The following JDP2 variants were observed in gnomAD, a reference collection of about 807,000 sequenced individuals.
JDP2 encodes the protein Jun dimerization protein 2, also known as progesterone receptor co-activator.
In JDP2, 9 loss-of-function variants were observed where a neutral mutation model predicts 17.1. That is an observed-to-expected ratio of 0.53 (90% confidence interval 0.32 to 0.92). The LOEUF is 0.92. JDP2 is among the 40% of genes least tolerant of loss of function. JDP2 has a pLI of 0.04. For missense variants in JDP2, 179 were observed against 220.0 expected, an observed-to-expected ratio of 0.81 and a Z score of 1.18; for synonymous variants, 107 against 95.6, an observed-to-expected ratio of 1.12 and a Z score of -0.69.
Position 75,469,999 on chromosome 14 carries a change from G to A in JDP2, c.*524G>A, listed in dbSNP as rs1403107904. ...GGGCCCTGATGCCCCCACCCACCTC[G>A]GTCCAGCGCGGCCCTGCCCAGGAGG... On this transcript the variant is annotated 3_prime_UTR_variant, in exon 4 of 4. Coordinates refer to ENST00000651602, the MANE Select transcript of JDP2 (RefSeq NM_001135048.2). 1 of 153,100 alleles carries A rather than the reference G, an allele frequency of 6.5e-6. No individual in the cohort carries two copies. The highest frequency in any genetic ancestry group is 1.5e-5 in the Non-Finnish European group (1 of 68,444). 9.5% of individuals were successfully genotyped at this position (153,100 alleles called of 1,614,324 possible).
chr14:75,460,625 C>T (rs1886311525), intron 2 of JDP2, among the ~76,000 whole-genome samples: 1 of 152,208 alleles, frequency 6.6e-6, no homozygotes, highest in African/African-American at 2.4e-5. Context: ...CGTCACCGCC[C>T]GTTGGGTGCC....
chr14:75,453,834 A>G (rs1183152101), intron 2 of JDP2, among the ~76,000 whole-genome samples: 1 of 152,100 alleles, frequency 6.6e-6, no homozygotes, highest in Admixed American at 6.5e-5. Flanking sequence ...AACAATTCTT[A>G]GTATGAGACA....
In JDP2 at chr14:75,461,470, CAA is replaced by C; in HGVS notation, c.248_249del (p.Lys83SerfsTer36). 6.2e-7 allele frequency: 1 copy of C among 1,610,538 alleles called. No homozygotes were observed. The highest frequency in any genetic ancestry group is 8.5e-7 in the Non-Finnish European group (1 of 1,179,040). ...ERRKRRREKNKVAAARCRNKK... is the reference protein window; with the variant it reads ...ERRKRRREKNXVAAARCRNKK... ...GAAGGAAAAGGCGCCGGGAGAAGAA[CAA>C]AGTCGCAGCAGCCCGATGCCGGAAC... On this transcript the variant is annotated frameshift_variant, in exon 3 of 4. Transcript: ENST00000651602. LOFTEE classifies it high-confidence loss of function.
chr14:75,446,325 G>A (rs1489814829), intron 2 of JDP2, among the ~76,000 whole-genome samples: 1 of 148,792 alleles, frequency 6.7e-6, no homozygotes, highest in East Asian at 2.0e-4. Flanking sequence ...CAACAGAAAG[G>A]AAAACATGTC....
upstream of JDP2, chr14:75,427,538 G>A (rs377369826): frequency 7.2e-5 from 11 of 152,696 alleles, no homozygotes; most frequent in African/African-American, 2.7e-4. The surrounding 1 kb of genome is among the most constrained non-coding windows in gnomAD (Gnocchi z 4.4). Context: ...CAGTTTGTGG[G>A]GGAAGCGCCG....
chr14:75,433,244 G>A (rs753075320), intron 1 of JDP2, among the ~76,000 whole-genome samples: 3 of 134,048 alleles, frequency 2.2e-5, no homozygotes, highest in Non-Finnish European at 4.8e-5. Context: ...TTAGGTTGGT[G>A]CAAAAGTAAT....
intron 2 of JDP2, chr14:75,445,061 A>G: frequency 2.0e-6 from 2 of 982,676 alleles, no homozygotes; most frequent in South Asian, 4.7e-5. Flanking sequence ...TCTTCTGTCA[A>G]TCCTACCATC....
Position 75,473,937 on chromosome 14 carries a change from TCAA to T in JDP2, c.*4464_*4466del, listed in dbSNP as rs1886863388. 2.0e-5 allele frequency: 3 copies of T among 152,232 alleles called. No individual in the cohort carries two copies. The highest frequency in any genetic ancestry group is 7.2e-5 in the African/African-American group (3 of 41,452). 9.4% of individuals were successfully genotyped at this position (152,232 alleles called of 1,614,324 possible). ...GCAAGGGTAAGTAGGACGCTGGACT[TCAA>T]CTTCAACTATACACATAACATTTCA... On this transcript the variant is annotated 3_prime_UTR_variant, in exon 4 of 4. Coordinates refer to ENST00000651602, the MANE Select transcript of JDP2 (RefSeq NM_001135048.2).
chr14:75,440,681 G>A (rs1885301683), intron 2 of JDP2, among the ~76,000 whole-genome samples: 1 of 152,184 alleles, frequency 6.6e-6, no homozygotes. Context: ...TCACACTGCT[G>A]GGAAGTGATA....
intron 3 of JDP2, among the ~76,000 whole-genome samples, chr14:75,463,891 A>G (rs1165636573): frequency 6.6e-6 from 1 of 152,142 alleles, no homozygotes; most frequent in African/African-American, 2.4e-5. Context: ...CTCTAGGATG[A>G]TGAATTATAT....
In JDP2 at chr14:75,471,390, G is replaced by A. The variant is rs771963416; in HGVS notation, c.*1915G>A. ...CATGTCACGCATGAGGAAGGCGGGA[G>A]AGGTGTTTTTAGCTTCCTTGTATAC... On this transcript the variant is annotated 3_prime_UTR_variant, in exon 4 of 4. Coordinates refer to ENST00000651602, the MANE Select transcript of JDP2 (RefSeq NM_001135048.2). 1.2e-4 allele frequency: 19 copies of A among 152,298 alleles called. No individual in the cohort carries two copies. The highest frequency in any genetic ancestry group is 2.6e-4 in the Non-Finnish European group (18 of 68,070). 9.4% of individuals were successfully genotyped at this position (152,298 alleles called of 1,614,324 possible). A position where few individuals can be genotyped will look rare whatever the true frequency, so the allele number is the denominator to read the frequency against.
Position 75,469,615 on chromosome 14 carries a change from C to G in JDP2, c.*140C>G. ...GAGGTTCAGCACAGCCAGCATCAGCCGAGCTTTTTTGTGAAACTCAGATCA... is the reference window on the plus strand; with the variant it reads ...GAGGTTCAGCACAGCCAGCATCAGCGGAGCTTTTTTGTGAAACTCAGATCA... On this transcript the variant is annotated 3_prime_UTR_variant, in exon 4 of 4. Coordinates refer to ENST00000651602, the MANE Select transcript of JDP2 (RefSeq NM_001135048.2). The G allele has an allele frequency of 1.3e-6, 1 of 749,486 alleles. No homozygotes were observed. The highest frequency in any genetic ancestry group is 2.1e-6 in the Non-Finnish European group (1 of 474,332). 46.4% of individuals were successfully genotyped at this position (749,486 alleles called of 1,614,324 possible).
At chr14:75,434,771 GT>G (rs1461448962) in intron 1 of JDP2, among the ~76,000 whole-genome samples, 1 of 152,112 alleles carries the variant, frequency 6.6e-6, no homozygotes, top group Non-Finnish European at 1.5e-5. Flanking sequence ...CCTCTGGAGT[GT>G]TTTTCTTGGG....
intron 1 of JDP2, chr14:75,431,988 A>G: frequency 2.4e-6 from 1 of 416,336 alleles, no homozygotes; most frequent in East Asian, 4.0e-5. Flanking sequence ...GAGGAAAGAG[A>G]GGCACAGAGA....
chr14:75,450,996 G>A (rs1885831046), intron 2 of JDP2, among the ~76,000 whole-genome samples: 1 of 152,172 alleles, frequency 6.6e-6, no homozygotes, highest in Non-Finnish European at 1.5e-5. Context: ...GTAAGCCAAG[G>A]GGACAGCAGG....
chr14:75,450,859 A>G (rs1008846673), intron 2 of JDP2, among the ~76,000 whole-genome samples: 1 of 152,200 alleles, frequency 6.6e-6, no homozygotes, highest in African/African-American at 2.4e-5. Context: ...TGAATAGAAT[A>G]TAATACAGTA....
intron 1 of JDP2, among the ~76,000 whole-genome samples, chr14:75,437,312 T>C (rs1382106152): frequency 1.3e-5 from 2 of 152,204 alleles, no homozygotes; most frequent in Non-Finnish European, 2.9e-5. Context: ...AACTTAGATT[T>C]GCTTCATCTC....
At chr14:75,458,099 G>C (rs528932563) in intron 2 of JDP2, among the ~76,000 whole-genome samples, 2 of 152,180 alleles carry the variant, frequency 1.3e-5, no homozygotes, top group Non-Finnish European at 2.9e-5. Flanking sequence ...CACACAAACC[G>C]ACGCTTGTGG....
chr14:75,440,085 A>G (rs1885266585), intron 2 of JDP2, among the ~76,000 whole-genome samples: 2 of 152,188 alleles, frequency 1.3e-5, no homozygotes, highest in South Asian at 2.1e-4. Context: ...TACATTTTAC[A>G]GCCACCCCCA....
Sources: gnomAD v4.1 joint callset for allele counts (sites outside exome capture counted in the v4.1 genomes callset) on GRCh38, gnomAD v4.1.1 for gene constraint, Gnocchi (gnomAD v3.1) non-coding constraint, MANE v1.5 for transcripts, NCBI Gene and HGNC (gene_info 2026-07-23, HGNC 2026-07-21) for gene names.